The following SGCD variants were observed in gnomAD, a reference collection of about 807,000 sequenced individuals.
SGCD encodes the protein sarcoglycan delta, also known as delta-sarcoglycan.
A neutral mutation model predicts 36.6 loss-of-function variants in SGCD; 18 were observed. That is an observed-to-expected ratio of 0.49 (90% confidence interval 0.34 to 0.73). SGCD has a LOEUF of 0.73. Ranked by LOEUF, SGCD falls within the 30% of genes least tolerant of loss-of-function variation. The probability of loss-of-function intolerance (pLI) is 0.01; values close to 1 mark genes in which losing one functional copy is unlikely to be tolerated. For missense variants in SGCD, 387 were observed against 346.7 expected, an observed-to-expected ratio of 1.12 and a Z score of -0.92; for synonymous variants, 133 against 130.6, an observed-to-expected ratio of 1.02 and a Z score of -0.12.
intron 1 of SGCD, among the ~76,000 whole-genome samples, chr5:155,920,806 C>T: frequency 6.6e-6 from 1 of 152,102 alleles, no homozygotes; most frequent in Non-Finnish European, 1.5e-5. Context: ...CAGTCAGCAT[C>T]TTATGTTCCA....
intron 7 of SGCD, among the ~76,000 whole-genome samples, chr5:156,651,573 T>C (rs538701506): frequency 6.6e-6 from 1 of 152,240 alleles, no homozygotes; most frequent in African/African-American, 2.4e-5. Flanking sequence ...TCCACATGCT[T>C]ATTTTTGTTG....
intron 3 of SGCD, among the ~76,000 whole-genome samples, chr5:156,466,901 A>C (rs1279994476): frequency 6.6e-6 from 1 of 152,206 alleles, no homozygotes; most frequent in Non-Finnish European, 1.5e-5. Flanking sequence ...AAGAGGCCAC[A>C]AAGACAAAAG....
At chr5:155,757,695 A>G in the SGCD span, among the ~76,000 whole-genome samples, 1 of 152,216 alleles carries the variant, frequency 6.6e-6, no homozygotes. Flanking sequence ...CTTCAGGATC[A>G]GAGTTCCTTC....
At chr5:156,419,132 T>C (rs1773184028) in intron 3 of SGCD, among the ~76,000 whole-genome samples, 1 of 152,210 alleles carries the variant, frequency 6.6e-6, no homozygotes, top group Admixed American at 6.5e-5. Context: ...TGTTCATTGA[T>C]AATTTGGCTA....
chr5:156,473,100 C>T (rs1241566989), intron 3 of SGCD, among the ~76,000 whole-genome samples: 1 of 152,172 alleles, frequency 6.6e-6, no homozygotes, highest in Non-Finnish European at 1.5e-5. Flanking sequence ...GAATTTTCAT[C>T]TCCAGTCTCA....
intron 3 of SGCD, among the ~76,000 whole-genome samples, chr5:156,142,631 T>G (rs1316826988): frequency 6.6e-6 from 1 of 152,154 alleles, no homozygotes; most frequent in Non-Finnish European, 1.5e-5. Flanking sequence ...TTGCTATGCA[T>G]TAGTAAAGAG....
intron 7 of SGCD, among the ~76,000 whole-genome samples, chr5:156,669,571 C>T (rs1463851784): frequency 6.6e-6 from 1 of 152,178 alleles, no homozygotes. Context: ...ATGCTGTTTG[C>T]TTTGCATGGA....
At chr5:155,844,456 T>TGTGTGTGTG in the SGCD span, among the ~76,000 whole-genome samples, 14 of 148,062 alleles carry the variant, frequency 9.5e-5, no homozygotes, top group East Asian at 2.0e-4. Flanking sequence ...TGTGTGTGTG[T>TGTGTGTGTG]TATAAACAAG....
intron 4 of SGCD, among the ~76,000 whole-genome samples, chr5:156,525,274 G>T (rs1475778292): frequency 6.6e-6 from 1 of 152,162 alleles, no homozygotes; most frequent in South Asian, 2.1e-4. Flanking sequence ...TCTAAAAAGG[G>T]TGAGGTCATA....
chr5:156,096,239 T>C (rs1486310207), intron 1 of SGCD, among the ~76,000 whole-genome samples: 1 of 152,070 alleles, frequency 6.6e-6, no homozygotes, highest in Non-Finnish European at 1.5e-5. Flanking sequence ...CTTAAACCAC[T>C]AGGATGCACA....
chr5:156,416,320 G>A (rs1299063744), intron 3 of SGCD, among the ~76,000 whole-genome samples: 1 of 152,150 alleles, frequency 6.6e-6, no homozygotes, highest in East Asian at 1.9e-4. Context: ...AAACTGTGAG[G>A]ACACAAAGGC....
intron 4 of SGCD, among the ~76,000 whole-genome samples, chr5:156,581,422 G>T (rs1439009846): frequency 6.6e-6 from 1 of 152,162 alleles, no homozygotes; most frequent in Non-Finnish European, 1.5e-5. Flanking sequence ...AAGCCCAAAC[G>T]CTGTGCTGGG....
At chr5:156,697,170 G>T (rs779522721) in intron 7 of SGCD, among the ~76,000 whole-genome samples, 9 of 151,952 alleles carry the variant, frequency 5.9e-5, no homozygotes, top group Non-Finnish European at 8.8e-5. Context: ...AGTGATTATC[G>T]TAATGTTTGT....
intron 3 of SGCD, among the ~76,000 whole-genome samples, chr5:156,232,885 C>T (rs1437768153): frequency 2.0e-5 from 3 of 152,146 alleles, no homozygotes; most frequent in Non-Finnish European, 4.4e-5. Context: ...CCATTTATCC[C>T]ATCAGAAAAG....
At chr5:155,908,187 C>CATA (rs1313506423) in intron 1 of SGCD, among the ~76,000 whole-genome samples, 1 of 152,046 alleles carries the variant, frequency 6.6e-6, no homozygotes, top group Non-Finnish European at 1.5e-5. Flanking sequence ...AACAGACAAA[C>CATA]ATAACTTTTA....
At chr5:155,799,021 C>A in the SGCD span, among the ~76,000 whole-genome samples, 1 of 152,104 alleles carries the variant, frequency 6.6e-6, no homozygotes, top group Non-Finnish European at 1.5e-5. Context: ...ATAATTAAAT[C>A]ATTTCTTATA....
intron 1 of SGCD, among the ~76,000 whole-genome samples, chr5:156,051,717 C>T (rs557889980): frequency 1.4e-5 from 2 of 145,282 alleles, no homozygotes; most frequent in Admixed American, 1.4e-4. Context: ...TATAAATGAG[C>T]ACTCGTGGTA....
At chr5:156,582,647 C>T (rs1054649437) in intron 4 of SGCD, among the ~76,000 whole-genome samples, 1 of 152,174 alleles carries the variant, frequency 6.6e-6, no homozygotes, top group Non-Finnish European at 1.5e-5. Flanking sequence ...TTCTCCTATG[C>T]AGTTTGCTAC....
intron 1 of SGCD, among the ~76,000 whole-genome samples, chr5:156,041,363 A>G (rs896390666): frequency 3.9e-5 from 6 of 152,144 alleles, no homozygotes; most frequent in African/African-American, 1.2e-4. Flanking sequence ...TCATTTGCGC[A>G]TGGAAGAATG....
Sources: allele counts gnomAD v4.1 joint callset (sites outside exome capture counted in the v4.1 genomes callset), GRCh38; gene constraint gnomAD v4.1.1; transcripts MANE v1.5; gene names NCBI Gene and HGNC (gene_info 2026-07-23, HGNC 2026-07-21).